The following AGMO variants were observed in gnomAD, a reference collection of about 807,000 sequenced individuals.
AGMO encodes the protein glyceryl-ether monooxygenase.
AGMO carries 75 observed loss-of-function variants against 60.2 expected under a neutral mutation model. The ratio of observed to expected loss-of-function variants is 1.25; its 90% CI spans 1.03 to 1.51. The LOEUF (loss-of-function observed/expected upper bound fraction) is 1.51, where lower values mean the gene tolerates loss of function less well. Ranked by LOEUF, AGMO falls within the 40% of genes most tolerant of loss-of-function variation. The probability of loss-of-function intolerance (pLI) is 0.00; values close to 1 mark genes in which losing one functional copy is unlikely to be tolerated. For missense variants in AGMO, 763 were observed against 525.5 expected, an observed-to-expected ratio of 1.45 and a Z score of -4.42; for synonymous variants, 261 against 177.1, an observed-to-expected ratio of 1.47 and a Z score of -3.76.
intron 10 of AGMO, among the ~76,000 whole-genome samples, chr7:15,377,642 C>T (rs1395482233): frequency 2.0e-5 from 3 of 151,952 alleles, no homozygotes; most frequent in Admixed American, 6.6e-5. Context: ...ATCAACAATG[C>T]GAACTGTACT....
At chr7:15,188,463 G>C in the AGMO span, among the ~76,000 whole-genome samples, 1 of 152,248 alleles carries the variant, frequency 6.6e-6, no homozygotes, top group South Asian at 2.1e-4. Flanking sequence ...TACCATACTT[G>C]TACTAAACAT....
At chr7:15,316,790 GAATA>G (rs1279327139) in intron 12 of AGMO, among the ~76,000 whole-genome samples, 4 of 152,124 alleles carry the variant, frequency 2.6e-5, no homozygotes, top group Non-Finnish European at 5.9e-5. Flanking sequence ...CAGTGTAACT[GAATA>G]AATAATCCAA....
chr7:15,146,979 A>G, the AGMO span, among the ~76,000 whole-genome samples: 1 of 152,238 alleles, frequency 6.6e-6, no homozygotes, highest in Admixed American at 6.5e-5. Context: ...TAGGATATAC[A>G]TTTCACGAAA....
the AGMO span, among the ~76,000 whole-genome samples, chr7:15,184,508 AGGAAGGAAGGGAGGGAG>A: frequency 9.5e-6 from 1 of 105,496 alleles, no homozygotes; most frequent in East Asian, 3.5e-4. Flanking sequence ...AAGGAATAGA[AGGAAGGAAGGGAGGGAG>A]GGAAGGAAGG....
At chr7:15,218,879 A>G (rs1012042328) in intron 12 of AGMO, among the ~76,000 whole-genome samples, 1 of 152,192 alleles carries the variant, frequency 6.6e-6, no homozygotes, top group Non-Finnish European at 1.5e-5. Flanking sequence ...AAAAATTGAA[A>G]GAGAAGTCCA....
chr7:15,204,760 T>C (rs1314095380), intron 12 of AGMO, among the ~76,000 whole-genome samples: 1 of 152,202 alleles, frequency 6.6e-6, no homozygotes, highest in Admixed American at 6.5e-5. Flanking sequence ...AAAAAGTTCA[T>C]CAATTGGCAG....
At position 15,200,378 on chromosome 7, in the gene AGMO, T is replaced by C. The variant is rs908000075; in HGVS notation, c.*907A>G. 6.6e-6 allele frequency: 1 copy of C among 152,234 alleles called. No individual in the cohort carries two copies. The highest frequency in any genetic ancestry group is 2.4e-5 in the African/African-American group (1 of 41,464). The allele number at this position is 152,234 out of a possible 1,614,324, so 9.4% of individuals were successfully genotyped here. A position where few individuals can be genotyped will look rare whatever the true frequency, so the allele number is the denominator to read the frequency against. On this transcript the variant is annotated 3_prime_UTR_variant, in exon 13 of 13. Transcript: ENST00000342526. The stretch of plus-strand genomic sequence containing the variant: ...TCTGATAACTTTAAATAATGCAGAA[T>C]TGCTGCATGCTGCCCAGTCTGCCAA...
intron 12 of AGMO, among the ~76,000 whole-genome samples, chr7:15,224,144 G>C (rs752467157): frequency 6.6e-6 from 1 of 151,734 alleles, no homozygotes; most frequent in Non-Finnish European, 1.5e-5. Context: ...TCTATGCACA[G>C]GTTTCCAGAG....
chr7:15,322,255 C>T (rs1356731452), intron 12 of AGMO, among the ~76,000 whole-genome samples: 1 of 147,094 alleles, frequency 6.8e-6, no homozygotes, highest in Non-Finnish European at 1.5e-5. Context: ...ATAAGAAATA[C>T]CAAGGTACAT....
intron 12 of AGMO, among the ~76,000 whole-genome samples, chr7:15,339,139 C>G (rs1027848268): frequency 1.3e-5 from 2 of 152,086 alleles, no homozygotes; most frequent in African/African-American, 4.8e-5. Flanking sequence ...CCAGACTAAC[C>G]ATGAATAAGT....
intron 5 of AGMO, among the ~76,000 whole-genome samples, chr7:15,400,784 G>GTTCCTT (rs1235420397): frequency 6.6e-6 from 1 of 151,814 alleles, no homozygotes; most frequent in Non-Finnish European, 1.5e-5. Flanking sequence ...TGGATAATAA[G>GTTCCTT]GTGATTAAAT....
intron 3 of AGMO, among the ~76,000 whole-genome samples, chr7:15,437,610 C>T (rs1213589141): frequency 6.7e-6 from 1 of 149,274 alleles, no homozygotes; most frequent in Non-Finnish European, 1.5e-5. Context: ...TCTCCCCTCA[C>T]TGCAAGCTCC....
chr7:15,196,665 C>T (rs1463997265), downstream of AGMO, among the ~76,000 whole-genome samples: 3 of 152,110 alleles, frequency 2.0e-5, no homozygotes, highest in African/African-American at 7.2e-5. Context: ...CAGTCATTTC[C>T]GTTTCTAAAA....
chr7:15,283,606 A>C (rs1343388334), intron 12 of AGMO, among the ~76,000 whole-genome samples: 2 of 152,078 alleles, frequency 1.3e-5, no homozygotes, highest in East Asian at 1.9e-4. Context: ...AGACCTAAAA[A>C]ATGAGATGAA....
At chr7:15,222,342 C>CTTA (rs1554397167) in intron 12 of AGMO, among the ~76,000 whole-genome samples, 1 of 151,862 alleles carries the variant, frequency 6.6e-6, no homozygotes, top group Non-Finnish European at 1.5e-5. Context: ...TCAGAATGAA[C>CTTA]TTAGAGCCTG....
intron 12 of AGMO, among the ~76,000 whole-genome samples, chr7:15,218,321 G>GTGTGTA: frequency 8.8e-6 from 1 of 113,314 alleles, no homozygotes; most frequent in Non-Finnish European, 1.8e-5. Flanking sequence ...TGACTATGGT[G>GTGTGTA]TGTGTATGTG....
chr7:15,430,996 A>ACAACTTACC lies in AGMO; in HGVS notation c.513_513+8dup. ...GATTACCATGTTTATTCCATTTCAT[A>ACAACTTACC]CAACTTACCCAGGAAGTATATATCT... On this transcript the variant is annotated intron_variant, in intron 4 of 12. Transcript: ENST00000342526. 6.5e-7 allele frequency: 1 copy of ACAACTTACC among 1,527,290 alleles called. No homozygotes were observed. Among genetic ancestry groups the ACAACTTACC allele is most frequent in the Non-Finnish European group, 8.9e-7 (1 of 1,119,304 alleles). The allele number at this position is 1,527,290 out of a possible 1,614,324, so 94.6% of individuals were successfully genotyped here.
At chr7:15,209,951 T>C (rs908737407) in intron 12 of AGMO, among the ~76,000 whole-genome samples, 3 of 152,128 alleles carry the variant, frequency 2.0e-5, no homozygotes, top group African/African-American at 7.2e-5. Flanking sequence ...AGAATATATT[T>C]TCTCCTTTCA....
chr7:15,501,510 A>C (rs1783384806), intron 3 of AGMO, among the ~76,000 whole-genome samples: 1 of 151,998 alleles, frequency 6.6e-6, no homozygotes, highest in Non-Finnish European at 1.5e-5. Context: ...GAGAAAAATG[A>C]ACCAATTGTT....
Sources: gnomAD v4.1 joint callset for allele counts (sites outside exome capture counted in the v4.1 genomes callset) on GRCh38, gnomAD v4.1.1 for gene constraint, MANE v1.5 for transcripts, NCBI Gene and HGNC (gene_info 2026-07-23, HGNC 2026-07-21) for gene names.